Variants in APBA1 observed in about 807,000 individuals in gnomAD.
The protein encoded by APBA1 is amyloid-beta A4 precursor protein-binding family A member 1.
In APBA1, 55 loss-of-function variants were observed where a neutral mutation model predicts 86.6. The ratio of observed to expected loss-of-function variants is 0.64; its 90% CI spans 0.51 to 0.80. APBA1 has a LOEUF of 0.80. APBA1 is among the 30% of genes least tolerant of loss of function. APBA1 has a pLI of 0.00. For synonymous variants in APBA1, 511 were observed against 493.9 expected, an observed-to-expected ratio of 1.03 and a Z score of -0.46; for missense variants, 1,090 against 1,183.0, an observed-to-expected ratio of 0.92 and a Z score of 1.15.
chr9:69,618,535 A>C (rs1343224984), intron 1 of APBA1, among the ~76,000 whole-genome samples: 1 of 152,226 alleles, frequency 6.6e-6, no homozygotes, highest in Non-Finnish European at 1.5e-5. Context: ...GAGACCAATG[A>C]AACGGAGGTA....
intron 1 of APBA1, among the ~76,000 whole-genome samples, chr9:69,557,770 C>T (rs972894557): frequency 6.6e-6 from 1 of 152,218 alleles, no homozygotes; most frequent in Admixed American, 6.5e-5. Context: ...CTGTTTGCCA[C>T]AAGCCTCAGT....
Position 69,430,539 on chromosome 9 carries a change from C to CTGTGTGTGTG in APBA1, c.*778_*787dup, listed in dbSNP as rs76774175. 1.3e-5 allele frequency: 2 copies of CTGTGTGTGTG among 149,490 alleles called. No homozygotes were observed. Among genetic ancestry groups the CTGTGTGTGTG allele is most frequent in the Admixed American group, 6.7e-5 (1 of 15,002 alleles). The allele number at this position is 149,490 out of a possible 1,614,324, so 9.3% of individuals were successfully genotyped here. ...AGGGAAGGGTGATATGCAAATGGGACTGTGTGTGTGTGTGTGTGTGTGAGA... is the reference window on the plus strand; with the variant it reads ...AGGGAAGGGTGATATGCAAATGGGACTGTGTGTGTGTGTGTGTGTGTGTGTGTGTGTGAGA... On this transcript the variant is annotated 3_prime_UTR_variant, in exon 13 of 13. Coordinates refer to ENST00000265381, the MANE Select transcript of APBA1 (RefSeq NM_001163.4).
intron 1 of APBA1, among the ~76,000 whole-genome samples, chr9:69,649,454 T>C (rs1160435094): frequency 6.6e-6 from 1 of 151,714 alleles, no homozygotes; most frequent in Non-Finnish European, 1.5e-5. Flanking sequence ...CCCCCTAGAG[T>C]CACTTTCCCA....
intron 1 of APBA1, among the ~76,000 whole-genome samples, chr9:69,613,775 C>T (rs1588393730): frequency 6.6e-6 from 1 of 152,110 alleles, no homozygotes; most frequent in East Asian, 1.9e-4. Context: ...CACATATTCC[C>T]CTGCTCAAGA....
intron 1 of APBA1, among the ~76,000 whole-genome samples, chr9:69,624,195 T>G (rs1320369052): frequency 6.6e-6 from 1 of 152,118 alleles, no homozygotes; most frequent in Non-Finnish European, 1.5e-5. Flanking sequence ...AGCACGAATT[T>G]ACAATACAGT....
intron 8 of APBA1, among the ~76,000 whole-genome samples, chr9:69,455,727 T>C (rs1182338347): frequency 2.6e-5 from 4 of 152,130 alleles, no homozygotes; most frequent in Non-Finnish European, 5.9e-5. Context: ...CCCTCATGCT[T>C]GGACAGACCT....
chr9:69,594,707 C>A lies in APBA1; in HGVS notation c.-69-77428G>T, dbSNP rs573975789. On this transcript the variant is annotated intron_variant, in intron 1 of 12. Coordinates refer to ENST00000265381, the MANE Select transcript of APBA1 (RefSeq NM_001163.4). The stretch of plus-strand genomic sequence containing the variant: ...ACAAAACCCTAACAAAAAAGGCACA[C>A]GTGATTGACTGCCCAAAGAGTTCTG... Among the ~76,000 whole-genome samples the A allele has an allele frequency of 1.1e-4, 17 of 152,246 alleles. 2 individuals are homozygous for A. The Middle Eastern group carries it at 0.017, about 152-fold the overall frequency.
rs370480153 is a variant in APBA1, at chr9:69,518,521, T to C, written c.-69-1242A>G. On this transcript the variant is annotated intron_variant, in intron 1 of 12. Transcript: ENST00000265381. ...GAGAGAAAGATTTGGTTTCAGTCTC[T>C]CTCAATTCTTCTTATCACAAAATAG... Among the ~76,000 whole-genome samples, 6 of 152,342 alleles carry C rather than the reference T, an allele frequency of 3.9e-5. No individual in the cohort carries two copies. The East Asian group carries it at 1.2e-3, about 29-fold the overall frequency.
chr9:69,567,923 G>A (rs1837055119), intron 1 of APBA1, among the ~76,000 whole-genome samples: 1 of 152,158 alleles, frequency 6.6e-6, no homozygotes, highest in South Asian at 2.1e-4. Context: ...GAGAAATGAT[G>A]AAAACTCTTG....
At chr9:69,505,630 T>C (rs973207447) in intron 2 of APBA1, among the ~76,000 whole-genome samples, 4 of 152,134 alleles carry the variant, frequency 2.6e-5, no homozygotes, top group Admixed American at 6.5e-5. Flanking sequence ...TTACACTGTG[T>C]GCTTGCTAAC....
chr9:69,573,074 C>T (rs1287317210), intron 1 of APBA1, among the ~76,000 whole-genome samples: 1 of 151,892 alleles, frequency 6.6e-6, no homozygotes, highest in Admixed American at 6.6e-5. Context: ...GCAGGGTAAT[C>T]GCTTGAACCC....
chr9:69,429,949 A>G lies in APBA1; in HGVS notation c.*1378T>C, dbSNP rs1369758310. 1.3e-5 allele frequency: 2 copies of G among 152,012 alleles called. No individual in the cohort carries two copies. Among genetic ancestry groups the G allele is most frequent in the South Asian group, 2.1e-4 (1 of 4,810 alleles). 9.4% of individuals were successfully genotyped at this position (152,012 alleles called of 1,614,324 possible). ...ACCAAGTGAAAACTGGCTCAGAATT[A>G]TAATATTACTAAAACATCTACACTG... On this transcript the variant is annotated 3_prime_UTR_variant, in exon 13 of 13. Transcript: ENST00000265381.
intron 1 of APBA1, among the ~76,000 whole-genome samples, chr9:69,546,683 A>C (rs1836703515): frequency 2.0e-5 from 3 of 152,248 alleles, no homozygotes. Flanking sequence ...AAAAGAAAAA[A>C]CATCATAAAC....
At chr9:69,621,215 A>C (rs72719036) in intron 1 of APBA1, among the ~76,000 whole-genome samples, 35,338 of 152,202 alleles carry the variant, frequency 0.23, 4,395 homozygotes, top group South Asian at 0.39. Context: ...CTGGCCATCT[A>C]GTCATCTTGA....
At chr9:69,662,051 C>G (rs1447613154) in intron 1 of APBA1, among the ~76,000 whole-genome samples, 1 of 151,504 alleles carries the variant, frequency 6.6e-6, no homozygotes. Flanking sequence ...CACACACACA[C>G]ACACAGACAT....
At chr9:69,567,339 G>A (rs541437804) in intron 1 of APBA1, among the ~76,000 whole-genome samples, 26 of 152,042 alleles carry the variant, frequency 1.7e-4, no homozygotes, top group African/African-American at 6.0e-4. Context: ...AATTCCTGCC[G>A]CCCCCACCGC....
intron 1 of APBA1, among the ~76,000 whole-genome samples, chr9:69,650,216 C>A (rs2134015304): frequency 6.6e-6 from 1 of 152,238 alleles, no homozygotes; most frequent in East Asian, 1.9e-4. Context: ...TCCTCATCTG[C>A]AAAATGAGGA....
chr9:69,500,533 G>A (rs1227514133), intron 2 of APBA1, among the ~76,000 whole-genome samples: 2 of 151,950 alleles, frequency 1.3e-5, no homozygotes, highest in East Asian at 1.9e-4. Context: ...TCTGAGCAGC[G>A]CATCTGTGTG....
chr9:69,484,950 A>G (rs2133850879), intron 2 of APBA1, among the ~76,000 whole-genome samples: 1 of 152,058 alleles, frequency 6.6e-6, no homozygotes, highest in East Asian at 1.9e-4. Context: ...TGTGTGTAGA[A>G]TATTCAACAT....
Sources: allele counts gnomAD v4.1 joint callset (sites outside exome capture counted in the v4.1 genomes callset), GRCh38; gene constraint gnomAD v4.1.1; transcripts MANE v1.5; gene names NCBI Gene and HGNC (gene_info 2026-07-23, HGNC 2026-07-21).